The following ME3 variants were observed in gnomAD, a reference collection of about 807,000 sequenced individuals.
ME3 encodes the protein NADP-dependent malic enzyme, mitochondrial.
A neutral mutation model predicts 68.9 loss-of-function variants in ME3; 48 were observed. The observed-to-expected ratio is 0.70, with a 90% CI of 0.55 to 0.89. The LOEUF (loss-of-function observed/expected upper bound fraction) is 0.89. Among genes scored for constraint, ME3 ranks in the 40% least tolerant of loss-of-function variants. The pLI is 0.00. For synonymous variants in ME3, 320 were observed against 318.8 expected, an observed-to-expected ratio of 1.00 and a Z score of -0.04; for missense variants, 675 against 797.4, an observed-to-expected ratio of 0.85 and a Z score of 1.85.
chr11:86,591,247 A>G (rs916147944), intron 2 of ME3, among the ~76,000 whole-genome samples: 3 of 152,174 alleles, frequency 2.0e-5, no homozygotes, highest in Non-Finnish European at 4.4e-5. Flanking sequence ...GAATATAGCA[A>G]TACTGCTTTA....
rs1303493303 is a variant in ME3, at chr11:86,447,224, G to A, written c.1238-17C>T. Reference sequence around the variant, plus strand: ...CAGCAACACCTACAGGGAAAAGGCGGGTAGTGGGGATGCCTGCTCTCTATA... The same window carrying A: ...CAGCAACACCTACAGGGAAAAGGCGAGTAGTGGGGATGCCTGCTCTCTATA... On this transcript the variant is annotated splice_polypyrimidine_tract_variant and intron_variant, in intron 11 of 14. Coordinates refer to ENST00000543262, the Ensembl canonical transcript of ME3. 1 of 1,612,908 alleles carries A rather than the reference G, an allele frequency of 6.2e-7. No individual in the cohort carries two copies. The highest frequency in any genetic ancestry group is 2.2e-5 in the East Asian group (1 of 44,870).
In ME3 at chr11:86,671,639, C is replaced by T. The variant is rs1594853844; in HGVS notation, c.183+123G>A. The T allele has an allele frequency of 6.4e-6, 8 of 1,251,382 alleles. No individual in the cohort carries two copies. The East Asian group carries it at 2.3e-4, about 36-fold the overall frequency. The allele number at this position is 1,251,382 out of a possible 1,614,324, so 77.5% of individuals were successfully genotyped here. A position where few individuals can be genotyped will look rare whatever the true frequency, so the allele number is the denominator to read the frequency against. On this transcript the variant is annotated intron_variant, in intron 2 of 14. Coordinates refer to ENST00000543262, the Ensembl canonical transcript of ME3. The stretch of plus-strand genomic sequence containing the variant: ...CAAGTCACAACAAGCCCCTGCAAGG[C>T]AAAAACAGAAAAACCGCTGGAAGGG...
At chr11:86,451,596 TG>T (rs1949636582) in intron 8 of ME3, among the ~76,000 whole-genome samples, 1 of 152,204 alleles carries the variant, frequency 6.6e-6, no homozygotes, top group African/African-American at 2.4e-5. Context: ...GAGCTCCTTA[TG>T]GGCACCATTC....
intron 5 of ME3, among the ~76,000 whole-genome samples, chr11:86,504,315 T>G (rs748692470): frequency 8.6e-5 from 13 of 151,668 alleles, no homozygotes; most frequent in Non-Finnish European, 1.5e-4. Context: ...AACACTTAAT[T>G]GTGGGTAACC....
intron 2 of ME3, among the ~76,000 whole-genome samples, chr11:86,572,192 C>G (rs1007793996): frequency 2.6e-5 from 4 of 152,104 alleles, no homozygotes; most frequent in African/African-American, 9.7e-5. Context: ...TTTGTTGCAT[C>G]CAGTAAAGCT....
At chr11:86,531,846 G>A (rs1395911803) in intron 4 of ME3, among the ~76,000 whole-genome samples, 2 of 122,320 alleles carry the variant, frequency 1.6e-5, no homozygotes, top group African/African-American at 3.0e-5. Flanking sequence ...GGAGGGGGGA[G>A]GCATAGCACT....
chr11:86,666,017 G>A (rs1269278290), intron 2 of ME3, among the ~76,000 whole-genome samples: 1 of 152,190 alleles, frequency 6.6e-6, no homozygotes, highest in African/African-American at 2.4e-5. Flanking sequence ...AATTTTTAAA[G>A]GCTGGGGTAA....
At chr11:86,453,969 A>T (rs1409983809) in intron 8 of ME3, among the ~76,000 whole-genome samples, 1 of 152,258 alleles carries the variant, frequency 6.6e-6, no homozygotes, top group Admixed American at 6.5e-5. Flanking sequence ...TAGACAATTA[A>T]CATTTTAAAA....
intron 5 of ME3, 124 bp from the exon 6 acceptor site, chr11:86,498,248 G>T: frequency 8.6e-7 from 1 of 1,163,276 alleles, no homozygotes; most frequent in Non-Finnish European, 1.2e-6. Context: ...GTGTGAAAGA[G>T]CTTGTCTGGG....
intron 2 of ME3, among the ~76,000 whole-genome samples, chr11:86,656,437 T>C (rs1031159927): frequency 6.6e-6 from 1 of 152,244 alleles, no homozygotes; most frequent in African/African-American, 2.4e-5. Flanking sequence ...GATGAGTTCA[T>C]GTCCTTTATA....
chr11:86,551,210 G>C (rs1006932914), intron 4 of ME3, among the ~76,000 whole-genome samples: 6 of 152,104 alleles, frequency 3.9e-5, no homozygotes, highest in Non-Finnish European at 8.8e-5. Context: ...AATTGATAAA[G>C]CATGTTCACA....
chr11:86,456,264 C>T (rs767913204), intron 8 of ME3, among the ~76,000 whole-genome samples: 4 of 152,224 alleles, frequency 2.6e-5, no homozygotes, highest in Admixed American at 6.5e-5. Context: ...GGAGGGGTTG[C>T]GCAAAGCATT....
At chr11:86,525,339 A>G (rs2139217946) in intron 4 of ME3, among the ~76,000 whole-genome samples, 1 of 152,292 alleles carries the variant, frequency 6.6e-6, no homozygotes, top group East Asian at 1.9e-4. Context: ...TTTGATGTTG[A>G]CAGAAAACAG....
At chr11:86,527,612 T>A (rs1954861674) in intron 4 of ME3, among the ~76,000 whole-genome samples, 1 of 152,172 alleles carries the variant, frequency 6.6e-6, no homozygotes, top group African/African-American at 2.4e-5. Context: ...GAGAGAAAGG[T>A]TGGGTTACCC....
chr11:86,551,213 T>C (rs1956664963), intron 4 of ME3, among the ~76,000 whole-genome samples: 1 of 152,128 alleles, frequency 6.6e-6, no homozygotes, highest in Non-Finnish European at 1.5e-5. Flanking sequence ...TGATAAAGCA[T>C]GTTCACATGC....
intron 2 of ME3, among the ~76,000 whole-genome samples, chr11:86,593,908 T>C (rs189548778): frequency 2.0e-5 from 3 of 146,834 alleles, no homozygotes; most frequent in South Asian, 2.2e-4. Flanking sequence ...TCCACAATTA[T>C]GAATTATGCT....
intron 6 of ME3, among the ~76,000 whole-genome samples, chr11:86,493,545 GC>G (rs2138981420): frequency 6.6e-6 from 1 of 152,286 alleles, no homozygotes; most frequent in East Asian, 1.9e-4. Context: ...TGGTACTCAG[GC>G]CCCTTCTAAC....
intron 7 of ME3, among the ~76,000 whole-genome samples, chr11:86,474,449 G>A (rs1252408228): frequency 6.6e-6 from 1 of 152,158 alleles, no homozygotes; most frequent in Non-Finnish European, 1.5e-5. Flanking sequence ...GATGGTGGCT[G>A]ACCTGCTGAC....
chr11:86,483,858 C>G (rs2138900337), intron 7 of ME3, among the ~76,000 whole-genome samples: 1 of 152,320 alleles, frequency 6.6e-6, no homozygotes, highest in Admixed American at 6.5e-5. Context: ...CCCATCCTTG[C>G]TACTGTAAGT....
Sources: gnomAD v4.1 joint callset for allele counts (sites outside exome capture counted in the v4.1 genomes callset) on GRCh38, gnomAD v4.1.1 for gene constraint, MANE v1.5 for transcripts, NCBI Gene and HGNC (gene_info 2026-07-23, HGNC 2026-07-21) for gene names.